TMEM132C: variants seen among roughly 807,000 people sequenced by gnomAD.
TMEM132C encodes protein phosphatase 1, regulatory subunit 152.
TMEM132C carries 29 observed loss-of-function variants against 61.4 expected under a neutral mutation model. That is an observed-to-expected ratio of 0.47 (90% CI 0.35 to 0.64). The LOEUF is 0.64. Ranked by LOEUF, TMEM132C falls within the 30% of genes least tolerant of loss-of-function variation. The pLI, the probability that TMEM132C is intolerant of heterozygous loss-of-function variation, is 0.00. For synonymous variants in TMEM132C, 656 were observed against 633.1 expected, an observed-to-expected ratio of 1.04 and a Z score of -0.54; for missense variants, 1,408 against 1,476.9, an observed-to-expected ratio of 0.95 and a Z score of 0.76.
chr12:128,327,104 A>C (rs1469268447), intron 1 of TMEM132C, among the ~76,000 whole-genome samples: 1 of 149,950 alleles, frequency 6.7e-6, no homozygotes, highest in Non-Finnish European at 1.5e-5. Flanking sequence ...CATTTACCAG[A>C]CCCAGATGGA....
intron 1 of TMEM132C, among the ~76,000 whole-genome samples, chr12:128,283,558 C>G (rs1870965878): frequency 6.6e-6 from 1 of 152,088 alleles, no homozygotes; most frequent in Admixed American, 6.6e-5. Flanking sequence ...CTCTGTCTGT[C>G]TCTCTCTACT....
chr12:128,627,919 G>A (rs1040027851), intron 4 of TMEM132C, among the ~76,000 whole-genome samples: 5 of 152,214 alleles, frequency 3.3e-5, no homozygotes, highest in African/African-American at 4.8e-5. Flanking sequence ...AGGTGGCCAC[G>A]GAGCTGCTGC....
intron 3 of TMEM132C, among the ~76,000 whole-genome samples, chr12:128,559,166 AACACACACACAG>A (rs1447695501): frequency 6.7e-6 from 1 of 148,172 alleles, no homozygotes; most frequent in Non-Finnish European, 1.5e-5. Flanking sequence ...TACACACACA[AACACACACACAG>A]ACACACACAC....
chr12:128,285,721 TTC>T (rs765947333), intron 1 of TMEM132C, among the ~76,000 whole-genome samples: 17 of 85,034 alleles, frequency 2.0e-4, no homozygotes, highest in Admixed American at 1.6e-3. Flanking sequence ...CTTTCTCTCT[TTC>T]TCTCTCTCTC....
chr12:128,271,272 TAATAATAA>T (rs1870507996), intron 1 of TMEM132C, among the ~76,000 whole-genome samples: 1 of 31,952 alleles, frequency 3.1e-5, no homozygotes, highest in Non-Finnish European at 6.0e-5. Context: ...AATAATATAA[TAATAATAA>T]TAATAATAAT....
At chr12:128,466,367 A>G (rs1192304757) in intron 2 of TMEM132C, among the ~76,000 whole-genome samples, 1 of 152,220 alleles carries the variant, frequency 6.6e-6, no homozygotes, top group Non-Finnish European at 1.5e-5. Context: ...GGCTTATATA[A>G]AATTTACATT....
intron 1 of TMEM132C, among the ~76,000 whole-genome samples, chr12:128,333,131 T>TA (rs1376395197): frequency 6.6e-6 from 1 of 152,022 alleles, no homozygotes; most frequent in Admixed American, 6.6e-5. Context: ...GTGCTGTTTT[T>TA]ATGTGTATGT....
intron 1 of TMEM132C, among the ~76,000 whole-genome samples, chr12:128,371,854 C>T (rs1874037696): frequency 6.6e-6 from 1 of 152,318 alleles, no homozygotes; most frequent in South Asian, 2.1e-4. Flanking sequence ...ACCAGGATTA[C>T]AGACATGAGC....
intron 2 of TMEM132C, among the ~76,000 whole-genome samples, chr12:128,509,230 A>T (rs1034120498): frequency 3.3e-5 from 5 of 152,216 alleles, no homozygotes; most frequent in Admixed American, 1.3e-4. Context: ...CACAAGTTAC[A>T]GTAGGATCTG....
chr12:128,677,351 G>A (rs1012118036), intron 5 of TMEM132C, among the ~76,000 whole-genome samples: 8 of 152,076 alleles, frequency 5.3e-5, no homozygotes, highest in Admixed American at 2.6e-4. Flanking sequence ...GAACAGAAGC[G>A]GTCCCTGCCC....
At chr12:128,394,746 C>A (rs1874883221) in intron 1 of TMEM132C, among the ~76,000 whole-genome samples, 1 of 152,044 alleles carries the variant, frequency 6.6e-6, no homozygotes, top group Non-Finnish European at 1.5e-5. Context: ...TGTTGTGCAC[C>A]TGTCGGAAAA....
chr12:128,344,008 T>C (rs1466410497), intron 1 of TMEM132C, among the ~76,000 whole-genome samples: 1 of 152,244 alleles, frequency 6.6e-6, no homozygotes. Context: ...GGTAATCTTC[T>C]ATTATATGGA....
At chr12:128,643,182 G>A (rs976299449) in intron 4 of TMEM132C, among the ~76,000 whole-genome samples, 12 of 152,226 alleles carry the variant, frequency 7.9e-5, no homozygotes, top group Admixed American at 5.9e-4. Flanking sequence ...GTAACACCAC[G>A]TGGGACAAGG....
rs59699427 is a variant in TMEM132C, at chr12:128,338,757, A to AATATATATATATATATATATATATATAT, written c.85+71290_85+71291insATATATATATATATATATATATATATAT. Among the ~76,000 whole-genome samples the AATATATATATATATATATATATATATAT allele has an allele frequency of 1.6e-3, 222 of 138,576 alleles. 7 individuals carry two copies. The highest frequency in any genetic ancestry group is 6.3e-3 in the African/African-American group (199 of 31,348). 90.9% of individuals were successfully genotyped at this position (138,576 alleles called of 152,430 possible). ...TCCTTTCTTGTTTTCCTTCTGCAGA[A>AATATATATATATATATATATATATATAT]ATATATATATATATATATATTTTGC... On this transcript the variant is annotated intron_variant, in intron 1 of 8. Coordinates refer to ENST00000435159, the MANE Select transcript of TMEM132C (RefSeq NM_001136103.3).
intron 2 of TMEM132C, among the ~76,000 whole-genome samples, chr12:128,507,091 G>C (rs1299480329): frequency 6.6e-6 from 1 of 152,114 alleles, no homozygotes; most frequent in Non-Finnish European, 1.5e-5. Flanking sequence ...AATTTAAAGT[G>C]TTTGGTTTTC....
intron 5 of TMEM132C, among the ~76,000 whole-genome samples, chr12:128,686,387 T>C (rs1376396109): frequency 6.6e-6 from 1 of 152,198 alleles, no homozygotes; most frequent in Non-Finnish European, 1.5e-5. Context: ...AGCCCATTAG[T>C]TGGACCAACC....
intron 5 of TMEM132C, among the ~76,000 whole-genome samples, chr12:128,669,937 C>A (rs1031102567): frequency 3.3e-5 from 5 of 152,194 alleles, no homozygotes; most frequent in Admixed American, 1.3e-4. Context: ...ATGGCAGAAT[C>A]CACAATTACT....
chr12:128,314,001 A>G (rs938025941), intron 1 of TMEM132C, among the ~76,000 whole-genome samples: 48 of 152,182 alleles, frequency 3.2e-4, no homozygotes, highest in African/African-American at 1.1e-3. Context: ...TGAGAAGTTG[A>G]TTAAATCCAT....
chr12:128,421,754 A>C (rs927179665), intron 2 of TMEM132C, among the ~76,000 whole-genome samples: 20 of 152,208 alleles, frequency 1.3e-4, no homozygotes, highest in African/African-American at 4.6e-4. Flanking sequence ...TAGCTATAAC[A>C]TTATTTTGGA....
Sources: gnomAD v4.1 joint callset for allele counts (sites outside exome capture counted in the v4.1 genomes callset) on GRCh38, gnomAD v4.1.1 for gene constraint, MANE v1.5 for transcripts, NCBI Gene and HGNC (gene_info 2026-07-23, HGNC 2026-07-21) for gene names.